Variants in PRDM4 observed in about 807,000 individuals in gnomAD.
The protein encoded by PRDM4 is PR/SET domain 4, also known as PR domain zinc finger protein 4.
PRDM4 carries 38 observed loss-of-function variants against 62.3 expected under a neutral mutation model. The observed-to-expected ratio is 0.61, with a 90% CI of 0.47 to 0.80. The LOEUF (loss-of-function observed/expected upper bound fraction) is 0.80, where lower values mean the gene tolerates loss of function less well. PRDM4 is among the 30% of genes least tolerant of loss of function. The probability of loss-of-function intolerance (pLI) is 0.00; values close to 1 mark genes in which losing one functional copy is unlikely to be tolerated. For missense variants in PRDM4, 858 were observed against 997.1 expected, an observed-to-expected ratio of 0.86 and a Z score of 1.88; for synonymous variants, 339 against 348.2, an observed-to-expected ratio of 0.97 and a Z score of 0.30.
At position 107,743,200 on chromosome 12, in the gene PRDM4, G is replaced by A; in HGVS notation, c.1478C>T (p.Ala493Val). The A allele has an allele frequency of 6.2e-7, 1 of 1,605,734 alleles. No homozygotes were observed. The highest frequency in any genetic ancestry group is 8.5e-7 in the Non-Finnish European group (1 of 1,172,428). ...TCTCATCCAAGACTACTCATACCTG[G>A]CTTTGCGCACAAACATCATCCAATT... ...ECNWMMFVRK[A>V]RNREEQNLVA... Residue 493 changes from alanine (A) to valine (V), a missense_variant, in exon 8 of 12, where the codon GCC (alanine) becomes GTC (valine). Physicochemically the swap from Ala to Val is moderately conservative, Grantham distance 64 (BLOSUM62 0). Transcript: ENST00000228437.
In PRDM4 at chr12:107,734,656, T is replaced by C. The variant is rs1205995570; in HGVS notation, c.2094-134A>G. The C allele has an allele frequency of 1.0e-5, 8 of 772,280 alleles. No individual in the cohort carries two copies. In the East Asian group the frequency reaches 1.3e-4, roughly 12 times the overall value. 47.8% of individuals were successfully genotyped at this position (772,280 alleles called of 1,614,324 possible). ...GAATCAGGCTTTTGCATAGGTGATA[T>C]ACAGAAGACTCATAAAACATGTATA... On this transcript the variant is annotated intron_variant, in intron 11 of 11. Coordinates refer to ENST00000228437, the MANE Select transcript of PRDM4 (RefSeq NM_012406.4).
chr12:107,739,615 G>A lies in PRDM4; in HGVS notation c.1925-64C>T, dbSNP rs12371074. On this transcript the variant is annotated intron_variant, in intron 10 of 11. Coordinates refer to ENST00000228437, the MANE Select transcript of PRDM4 (RefSeq NM_012406.4). The stretch of plus-strand genomic sequence containing the variant: ...ACTGCTGGCATCCCCAAGACACACA[G>A]GCACACATATGTGCATGCAGCAGAG... 5.1e-3 allele frequency: 7,663 copies of A among 1,505,364 alleles called. 26 individuals are homozygous for A. Among genetic ancestry groups the A allele is most frequent in the Non-Finnish European group, 5.8e-3 (6,366 of 1,101,576 alleles). The allele number at this position is 1,505,364 out of a possible 1,614,324, so 93.3% of individuals were successfully genotyped here.
chr12:107,756,683 C>A, intron 3 of PRDM4, 149 bp downstream of exon 3: 1 of 917,560 alleles, frequency 1.1e-6, no homozygotes. Context: ...TTTTCCATTA[C>A]CTATCACATG....
intron 5 of PRDM4, among the ~76,000 whole-genome samples, chr12:107,747,932 T>A (rs886988796): frequency 6.6e-6 from 1 of 152,168 alleles, no homozygotes; most frequent in African/African-American, 2.4e-5. Context: ...TTAATACTTT[T>A]GCTAGAGACA....
chr12:107,742,763 C>CTTT (rs750002269), intron 8 of PRDM4, among the ~76,000 whole-genome samples: 8 of 120,546 alleles, frequency 6.6e-5, no homozygotes, highest in East Asian at 2.3e-4. Context: ...TGGTAAGTGC[C>CTTT]TTTTTTTTTT....
intron 3 of PRDM4, among the ~76,000 whole-genome samples, chr12:107,755,377 C>T (rs565086515): frequency 6.6e-6 from 1 of 152,138 alleles, no homozygotes; most frequent in South Asian, 2.1e-4. Flanking sequence ...GGATTATAGG[C>T]GTGAGCCACT....
chr12:107,759,909 G>C (rs1038199601), intron 2 of PRDM4: 1 of 152,214 alleles, frequency 6.6e-6, no homozygotes, highest in African/African-American at 2.4e-5. Context: ...GCAACCATCT[G>C]CCAGTTGCTG....
Position 107,734,049 on chromosome 12 carries a change from G to A in PRDM4, c.*161C>T, listed in dbSNP as rs1456658568. On this transcript the variant is annotated 3_prime_UTR_variant, in exon 12 of 12. Coordinates refer to ENST00000228437, the MANE Select transcript of PRDM4 (RefSeq NM_012406.4). ...AATCTGTTTTAAAGTGTTTTCATTAGGATACTCTTCTGTAAGTGCTTTATT... is the reference window on the plus strand; with the variant it reads ...AATCTGTTTTAAAGTGTTTTCATTAAGATACTCTTCTGTAAGTGCTTTATT... 1.4e-6 allele frequency: 1 copy of A among 716,574 alleles called. No individual in the cohort carries two copies. Among genetic ancestry groups the A allele is most frequent in the Non-Finnish European group, 2.2e-6 (1 of 448,690 alleles). 44.4% of individuals were successfully genotyped at this position (716,574 alleles called of 1,614,324 possible). A position where few individuals can be genotyped will look rare whatever the true frequency, so the allele number is the denominator to read the frequency against.
intron 5 of PRDM4, among the ~76,000 whole-genome samples, chr12:107,748,703 G>A (rs559314760): frequency 5.3e-5 from 8 of 152,324 alleles, no homozygotes; most frequent in African/African-American, 1.7e-4. Flanking sequence ...GTGACTAATG[G>A]TTATGAAGTT....
At chr12:107,758,008 T>C (rs73189579) in intron 2 of PRDM4, among the ~76,000 whole-genome samples, 3,017 of 152,246 alleles carry the variant, frequency 0.02, 45 homozygotes, top group Middle Eastern at 0.048. Context: ...GTCCTTACAC[T>C]GGGCTTTATT....
chr12:107,747,113 T>C (rs1325309926), intron 5 of PRDM4, among the ~76,000 whole-genome samples: 1 of 151,998 alleles, frequency 6.6e-6, no homozygotes, highest in Non-Finnish European at 1.5e-5. Context: ...TGAGATCCCA[T>C]CTGTTTAAAA....
In PRDM4 at chr12:107,742,268, T is replaced by G; in HGVS notation, c.1562A>C (p.Glu521Ala). 1 of 1,613,496 alleles carries G rather than the reference T, an allele frequency of 6.2e-7. No individual in the cohort carries two copies. The highest frequency in any genetic ancestry group is 1.3e-5 in the African/African-American group (1 of 75,038). ...FFCTSQDIPP[E>A]NELLFYYSRD... is the part of the protein sequence containing the mutation. ...GCTATAATAAAAAAGCAGTTCATTT[T>G]CAGGAGGGATATCTTGTGAGGTGCA... Residue 521 changes from glutamate to alanine, a missense_variant, in exon 9 of 12, where the codon GAA (glutamate) becomes GCA (alanine). By Grantham distance (107) the Glu-to-Ala change is moderately radical (BLOSUM62 -1). Coordinates refer to ENST00000228437, the MANE Select transcript of PRDM4 (RefSeq NM_012406.4).
At chr12:107,747,287 A>C (rs571142957) in intron 5 of PRDM4, among the ~76,000 whole-genome samples, 1 of 151,722 alleles carries the variant, frequency 6.6e-6, no homozygotes, top group South Asian at 2.1e-4. Flanking sequence ...AAATGCTGTT[A>C]GTTATGCAGA....
chr12:107,760,704 G>T lies in PRDM4; in HGVS notation c.-189C>A. On this transcript the variant is annotated 5_prime_UTR_variant, in exon 2 of 12. Transcript: ENST00000228437. ...GGCCGGTGGCCGTGCACCCCGCCAC[G>T]GGTTGGGGCATCTCGGGGAACACCT... The T allele has an allele frequency of 1.6e-6, 1 of 632,442 alleles. No individual in the cohort carries two copies. The highest frequency in any genetic ancestry group is 2.7e-6 in the Non-Finnish European group (1 of 370,560). 39.2% of individuals were successfully genotyped at this position (632,442 alleles called of 1,614,324 possible). A position where few individuals can be genotyped will look rare whatever the true frequency, so the allele number is the denominator to read the frequency against.
At chr12:107,739,635 G>T in intron 10 of PRDM4, 84 bp from the exon 11 acceptor site, 3 of 1,375,654 alleles carry the variant, frequency 2.2e-6, no homozygotes, top group African/African-American at 1.4e-5. Flanking sequence ...TGTGCATGCA[G>T]CAGAGGCAGG....
intron 8 of PRDM4, 82 bp from the exon 9 acceptor site, chr12:107,742,430 A>AT (rs2136314254): frequency 1.4e-6 from 2 of 1,461,050 alleles, no homozygotes; most frequent in Admixed American, 3.7e-5. Flanking sequence ...GCAAAATCCT[A>AT]TATGAAAGCT....
intron 7 of PRDM4, 99 bp downstream of exon 7, chr12:107,744,444 G>T: frequency 7.5e-7 from 1 of 1,342,102 alleles, no homozygotes; most frequent in Non-Finnish European, 1.0e-6. Context: ...GAATGGCACT[G>T]TATCAGTTCT....
chr12:107,758,634 A>G (rs1252980901), intron 2 of PRDM4, among the ~76,000 whole-genome samples: 5 of 152,206 alleles, frequency 3.3e-5, no homozygotes, highest in African/African-American at 4.8e-5. Flanking sequence ...AGACAATTAC[A>G]ATAAAAGAAC....
intron 11 of PRDM4, among the ~76,000 whole-genome samples, chr12:107,737,267 T>C (rs752336558): frequency 9.2e-5 from 14 of 152,238 alleles, no homozygotes; most frequent in Admixed American, 4.6e-4. Context: ...AGACTGCTAA[T>C]ACTACTATAT....
Sources: gnomAD v4.1 joint callset for allele counts (sites outside exome capture counted in the v4.1 genomes callset) on GRCh38, gnomAD v4.1.1 for gene constraint, MANE v1.5 for transcripts, NCBI Gene and HGNC (gene_info 2026-07-23, HGNC 2026-07-21) for gene names.